AP3D1: variants seen among roughly 807,000 people sequenced by gnomAD.
The protein encoded by AP3D1 is adaptor related protein complex 3 subunit delta 1.
A neutral mutation model predicts 147.6 loss-of-function variants in AP3D1; 51 were observed. The ratio of observed to expected loss-of-function variants is 0.35; its 90% CI spans 0.28 to 0.44. AP3D1 has a LOEUF of 0.44. Ranked by LOEUF, AP3D1 falls within the 20% of genes least tolerant of loss-of-function variation. AP3D1 has a pLI of 1.00. For missense variants in AP3D1, 1,421 were observed against 1,624.2 expected, an observed-to-expected ratio of 0.87 and a Z score of 2.15; for synonymous variants, 760 against 663.0, an observed-to-expected ratio of 1.15 and a Z score of -2.25.
intron 15 of AP3D1, among the ~76,000 whole-genome samples, chr19:2,117,644 C>T (rs914910431): frequency 1.3e-5 from 2 of 152,272 alleles, no homozygotes; most frequent in Non-Finnish European, 2.9e-5. Context: ...AGTGCCCCGA[C>T]ACCAGAAGCA....
rs1357718992 is a variant in AP3D1, at chr19:2,132,783, T to C, written c.355-205A>G. 5.3e-5 allele frequency among the ~76,000 whole-genome samples: 8 copies of C among 152,234 alleles called. 1 individual carries two copies. In the South Asian group the frequency reaches 1.5e-3, roughly 28 times the overall value. On this transcript the variant is annotated intron_variant, in intron 4 of 31. Coordinates refer to ENST00000643116, the MANE Select transcript of AP3D1 (RefSeq NM_001261826.3). ...ACAAGGAGGAAGAATTTACAGCCCA[T>C]GGGAGACTCTGTCACCAAGAGAGGA...
chr19:2,113,106 G>C (rs966094779), intron 23 of AP3D1, 139 bp from the exon 24 acceptor site: 6 of 664,442 alleles, frequency 9.0e-6, no homozygotes, highest in Admixed American at 2.9e-5. Flanking sequence ...CCGAGTGACA[G>C]GGAGCCTGTG....
chr19:2,153,384 T>TGG (rs754227212), upstream of AP3D1, among the ~76,000 whole-genome samples: 38 of 88,882 alleles, frequency 4.3e-4, no homozygotes, highest in African/African-American at 8.5e-4. Flanking sequence ...AAAAAAGAAG[T>TGG]GGGGGGGGGG....
Position 2,123,844 on chromosome 19 carries a change from T to G in AP3D1, c.892A>C (p.Ser298Arg). ...ISLSSGMPNH[S>R]ASIQLCVQKL... Reference sequence around the variant, plus strand: ...GCGGGACGTACCTGGATGCTGGCGCTGTGGTTGGGCATGCCGGAGGACAGC... The same window carrying G: ...GCGGGACGTACCTGGATGCTGGCGCGGTGGTTGGGCATGCCGGAGGACAGC... Residue 298 changes from serine (S) to arginine (R), a missense_variant, in exon 10 of 32, where the codon AGC becomes CGC. Ser to Arg is a moderately radical substitution (Grantham distance 110). Transcript: ENST00000643116. 1 of 1,576,910 alleles carries G rather than the reference T, an allele frequency of 6.3e-7. No individual in the cohort carries two copies. Among genetic ancestry groups the G allele is most frequent in the Non-Finnish European group, 8.6e-7 (1 of 1,161,534 alleles).
chr19:2,136,629 C>T (rs922014135), intron 4 of AP3D1, among the ~76,000 whole-genome samples: 1 of 152,176 alleles, frequency 6.6e-6, no homozygotes, highest in South Asian at 2.1e-4. Flanking sequence ...GCAGGAAGCA[C>T]CCCACATGGG....
At position 2,116,954 on chromosome 19, in the gene AP3D1, C is replaced by T. The variant is rs1035416096; in HGVS notation, c.1860-208G>A. 7.0e-6 allele frequency: 6 copies of T among 851,990 alleles called. No homozygotes were observed. The African/African-American group carries it at 1.0e-4, about 15-fold the overall frequency. 52.8% of individuals were successfully genotyped at this position (851,990 alleles called of 1,614,324 possible). A position where few individuals can be genotyped will look rare whatever the true frequency, so the allele number is the denominator to read the frequency against. On this transcript the variant is annotated intron_variant, in intron 16 of 31. Coordinates refer to ENST00000643116, the MANE Select transcript of AP3D1 (RefSeq NM_001261826.3). ...AGACTGCGGCAGGGTCACAGTGGGG[C>T]CCCCACGGCAGGCTCAGGCTGCCTC...
chr19:2,102,773 AAAT>A (rs1269312267), intron 31 of AP3D1, among the ~76,000 whole-genome samples: 9 of 128,276 alleles, frequency 7.0e-5, no homozygotes, highest in African/African-American at 2.3e-4. Flanking sequence ...ATAAATAAAT[AAAT>A]AAATAAAATA....
rs2017942506 is a variant in AP3D1 at position 2,101,218 on chromosome 19, G to C, written c.*955C>G. On this transcript the variant is annotated 3_prime_UTR_variant, in exon 32 of 32. Coordinates refer to ENST00000643116, the MANE Select transcript of AP3D1 (RefSeq NM_001261826.3). ...ATAAAATGTCATTATCTCTGAAGAA[G>C]GGTCAGTCCTGTGCCCACGCTGGCC... The C allele has an allele frequency of 6.6e-6, 1 of 152,532 alleles. No individual in the cohort carries two copies. Among genetic ancestry groups the C allele is most frequent in the Non-Finnish European group, 1.5e-5 (1 of 68,032 alleles). 9.4% of individuals were successfully genotyped at this position (152,532 alleles called of 1,614,324 possible). A position where few individuals can be genotyped will look rare whatever the true frequency, so the allele number is the denominator to read the frequency against.
chr19:2,136,808 C>T (rs953973577), intron 4 of AP3D1, among the ~76,000 whole-genome samples: 2 of 152,236 alleles, frequency 1.3e-5, no homozygotes, highest in Non-Finnish European at 2.9e-5. Context: ...CTCCACCTCA[C>T]AAGCCCACCA....
intron 8 of AP3D1, 39 bp downstream of exon 8, chr19:2,129,051 G>A (rs2018856503): frequency 6.6e-7 from 1 of 1,519,744 alleles, no homozygotes; most frequent in East Asian, 2.5e-5. Flanking sequence ...TGCACCCCGT[G>A]GAGCCGGCCC....
chr19:2,164,402 C>A (rs1025445863), exon 1 of AP3D1: 2 of 527,540 alleles, frequency 3.8e-6, no homozygotes, highest in Non-Finnish European at 5.6e-6. Flanking sequence ...TGTCGCTGCT[C>A]CACCCCCGTT....
intron 4 of AP3D1, among the ~76,000 whole-genome samples, chr19:2,136,006 C>A (rs111801743): frequency 2.0e-5 from 3 of 150,578 alleles, no homozygotes; most frequent in African/African-American, 7.4e-5. Context: ...AGGCCCCTCC[C>A]GCTACACGGC....
chr19:2,151,727 C>T (rs1171458865), upstream of AP3D1, among the ~76,000 whole-genome samples: 1 of 152,248 alleles, frequency 6.6e-6, no homozygotes, highest in African/African-American at 2.4e-5. Context: ...CTCCTGCGCG[C>T]GGCCCCGCCT....
chr19:2,131,030 G>A (rs1351454886), intron 5 of AP3D1, among the ~76,000 whole-genome samples: 3 of 152,270 alleles, frequency 2.0e-5, no homozygotes, highest in African/African-American at 7.2e-5. Flanking sequence ...CTCTAGAGGA[G>A]CCGGCACTCT....
chr19:2,117,409 G>T (rs772730332), intron 15 of AP3D1, 42 bp from the exon 16 acceptor site: 4 of 1,519,432 alleles, frequency 2.6e-6, no homozygotes, highest in Non-Finnish European at 3.5e-6. Flanking sequence ...CTGCCCGGAA[G>T]GCCACTCGGC....
chr19:2,115,161 G>C, intron 20 of AP3D1, 58 bp downstream of exon 20: 4 of 1,548,664 alleles, frequency 2.6e-6, no homozygotes, highest in Non-Finnish European at 3.5e-6. Flanking sequence ...CATGGCCCCA[G>C]GACACACACA....
intron 3 of AP3D1, 124 bp from the exon 4 acceptor site, chr19:2,137,215 G>A (rs1304199937): frequency 1.1e-5 from 9 of 799,082 alleles, no homozygotes; most frequent in Non-Finnish European, 1.9e-5. Flanking sequence ...CAGCCTGGAC[G>A]CTGGGGCCAC....
At chr19:2,158,307 C>T (rs1333331822) in intron 1 of AP3D1, among the ~76,000 whole-genome samples, 4 of 151,666 alleles carry the variant, frequency 2.6e-5, no homozygotes, top group South Asian at 2.1e-4. Context: ...CCGCCCACCT[C>T]GGCCTCCCAA....
At chr19:2,115,702 G>A in intron 18 of AP3D1, 89 bp from the exon 19 acceptor site, 2 of 1,364,316 alleles carry the variant, frequency 1.5e-6, no homozygotes, top group Non-Finnish European at 2.0e-6. Context: ...GCGTGACGCA[G>A]CCCCAACATC....
Sources: gnomAD v4.1 joint callset for allele counts (sites outside exome capture counted in the v4.1 genomes callset) on GRCh38, gnomAD v4.1.1 for gene constraint, MANE v1.5 for transcripts, NCBI Gene and HGNC (gene_info 2026-07-23, HGNC 2026-07-21) for gene names.